Variants in GPHN observed in about 807,000 individuals in gnomAD.
GPHN encodes gephyrin.
Under a neutral mutation model 95.5 loss-of-function variants are expected in GPHN, and 17 were observed. That is an observed-to-expected ratio of 0.18 (90% CI 0.12 to 0.27). GPHN has a LOEUF of 0.27. Ranked by LOEUF, GPHN falls within the 10% of genes least tolerant of loss-of-function variation. The pLI is 1.00. For missense variants in GPHN, 660 were observed against 978.1 expected (o/e 0.67, Z 4.34); for synonymous variants, 320 against 322.5 (o/e 0.99, Z 0.08).
chr14:66,721,196 A>T (rs1440552789), intron 2 of GPHN, among the ~76,000 whole-genome samples: 1 of 152,210 alleles, frequency 6.6e-6, no homozygotes, highest in Non-Finnish European at 1.5e-5. Context: ...TCCATTAGAC[A>T]CTTTGGCCTA....
intron 9 of GPHN, among the ~76,000 whole-genome samples, chr14:66,994,522 C>T (rs905915044): frequency 6.6e-6 from 1 of 152,090 alleles, no homozygotes; most frequent in Non-Finnish European, 1.5e-5. Flanking sequence ...CATAGAATTG[C>T]CCTCCTCGGA....
intron 9 of GPHN, among the ~76,000 whole-genome samples, chr14:66,967,053 CTT>C (rs2069381910): frequency 6.6e-6 from 1 of 151,786 alleles, no homozygotes; most frequent in South Asian, 2.1e-4. Context: ...TTAGTTAACA[CTT>C]AGATGTTCAA....
the GPHN span, among the ~76,000 whole-genome samples, chr14:67,595,459 T>C: frequency 6.6e-6 from 1 of 152,208 alleles, no homozygotes; most frequent in East Asian, 1.9e-4. Flanking sequence ...CTTAGCACAG[T>C]GTAGCAGATA....
intron 2 of GPHN, among the ~76,000 whole-genome samples, chr14:66,748,872 T>A (rs1270226708): frequency 6.6e-6 from 1 of 152,002 alleles, no homozygotes; most frequent in Non-Finnish European, 1.5e-5. Context: ...TTTCCACTTG[T>A]AGTGTCATGT....
chr14:67,452,047 T>C, the GPHN span, among the ~76,000 whole-genome samples: 45 of 152,236 alleles, frequency 3.0e-4, no homozygotes, highest in Non-Finnish European at 6.5e-4. Context: ...AAACGGGAGT[T>C]TCGGCTGGGC....
At chr14:67,525,249 T>C in the GPHN span, among the ~76,000 whole-genome samples, 1 of 152,184 alleles carries the variant, frequency 6.6e-6, no homozygotes, top group Non-Finnish European at 1.5e-5. Context: ...TATAGTTATA[T>C]GTATACAGTT....
intron 12 of GPHN, among the ~76,000 whole-genome samples, chr14:67,099,984 G>C (rs898419114): frequency 3.3e-5 from 5 of 151,802 alleles, no homozygotes; most frequent in African/African-American, 1.2e-4. Flanking sequence ...CACATCATAT[G>C]TCAAGAAAAC....
the GPHN span, chr14:67,474,013 G>T: frequency 1.4e-6 from 2 of 1,437,814 alleles, no homozygotes; most frequent in Non-Finnish European, 1.8e-6. Flanking sequence ...TGCGCTTTGG[G>T]AGGCCGAGGC....
At chr14:67,575,782 C>T in the GPHN span, 2 of 1,521,136 alleles carry the variant, frequency 1.3e-6, no homozygotes, top group Non-Finnish European at 1.8e-6. Flanking sequence ...CTCCCTCATC[C>T]CCCACTGGCT....
At chr14:66,628,497 T>C (rs1277159566) in intron 1 of GPHN, among the ~76,000 whole-genome samples, 1 of 151,924 alleles carries the variant, frequency 6.6e-6, no homozygotes, top group African/African-American at 2.4e-5. Context: ...AGATAAAAAG[T>C]GATATAAGGC....
At chr14:66,779,280 T>C (rs949454497) in intron 3 of GPHN, among the ~76,000 whole-genome samples, 1 of 152,220 alleles carries the variant, frequency 6.6e-6, no homozygotes, top group Non-Finnish European at 1.5e-5. Context: ...ACTTTAGGTC[T>C]AATCCAGATC....
At chr14:66,580,560 A>C (rs957123390) in intron 1 of GPHN, among the ~76,000 whole-genome samples, 2 of 151,878 alleles carry the variant, frequency 1.3e-5, no homozygotes, top group Non-Finnish European at 3.0e-5. Flanking sequence ...AACTATGAGC[A>C]ATCATATGCC....
At chr14:67,661,304 T>TC in the GPHN span, among the ~76,000 whole-genome samples, 1 of 150,498 alleles carries the variant, frequency 6.6e-6, no homozygotes, top group South Asian at 2.1e-4. Context: ...AAAAAAGTTT[T>TC]TTTTTTTTAA....
At chr14:67,501,880 G>C in the GPHN span, among the ~76,000 whole-genome samples, 1 of 152,222 alleles carries the variant, frequency 6.6e-6, no homozygotes, top group Admixed American at 6.5e-5. Context: ...TGACATCTAC[G>C]AATATTCATA....
intron 5 of GPHN, among the ~76,000 whole-genome samples, chr14:66,913,064 G>A (rs1172989880): frequency 6.6e-6 from 1 of 152,214 alleles, no homozygotes; most frequent in Non-Finnish European, 1.5e-5. Context: ...AGAGAGGAGG[G>A]GATAAGGGTG....
the GPHN span, among the ~76,000 whole-genome samples, chr14:67,700,056 C>T: frequency 2.0e-4 from 31 of 152,034 alleles, no homozygotes; most frequent in Non-Finnish European, 3.2e-4. Context: ...AGGAGAATCG[C>T]TTGAACCTGG....
chr14:66,997,366 TAAA>T (rs34315684), intron 9 of GPHN, among the ~76,000 whole-genome samples: 6,763 of 123,874 alleles, frequency 0.055, 178 homozygotes, highest in Non-Finnish European at 0.073. Flanking sequence ...GACTTCGTCT[TAAA>T]AAAAAAAAAA....
intron 2 of GPHN, among the ~76,000 whole-genome samples, chr14:66,751,693 G>A (rs903355096): frequency 1.3e-5 from 2 of 151,860 alleles, no homozygotes; most frequent in African/African-American, 4.8e-5. Flanking sequence ...CTCTCCATTT[G>A]TAGAGCCCTG....
intron 17 of GPHN, among the ~76,000 whole-genome samples, 191 bp downstream of exon 17, chr14:67,122,568 T>C (rs2079073548): frequency 6.6e-6 from 1 of 152,232 alleles, no homozygotes. Context: ...GGAATGTCTC[T>C]GAAAACAAGA....
Sources: gnomAD v4.1 joint callset for allele counts (sites outside exome capture counted in the v4.1 genomes callset) on GRCh38, gnomAD v4.1.1 for gene constraint, MANE v1.5 for transcripts, NCBI Gene and HGNC (gene_info 2026-07-23, HGNC 2026-07-21) for gene names.